The following SYNPR variants were observed in gnomAD, a reference collection of about 807,000 sequenced individuals.
SYNPR encodes synaptoporin.
Under a neutral mutation model 32.9 loss-of-function variants are expected in SYNPR, and 23 were observed. The ratio of observed to expected loss-of-function variants is 0.70; its 90% CI spans 0.50 to 0.99. The LOEUF (loss-of-function observed/expected upper bound fraction) is 0.99, where lower values mean the gene tolerates loss of function less well. Ranked by LOEUF, SYNPR falls within the 50% of genes least tolerant of loss-of-function variation. The pLI is 0.00. For synonymous variants in SYNPR, 146 were observed against 135.9 expected (o/e 1.07, Z -0.52); for missense variants, 318 against 349.3 (o/e 0.91, Z 0.71).
chr3:63,359,856 A>C (rs2087632764), intron 2 of SYNPR, among the ~76,000 whole-genome samples: 1 of 152,232 alleles, frequency 6.6e-6, no homozygotes. Flanking sequence ...TAAACAACAT[A>C]AAATAACTTT....
At chr3:63,435,127 G>A (rs1326167844) in intron 2 of SYNPR, among the ~76,000 whole-genome samples, 5 of 152,180 alleles carry the variant, frequency 3.3e-5, no homozygotes, top group Admixed American at 2.0e-4. Context: ...CTAAACTTGC[G>A]CACATTCGCA....
rs144039056 is a variant in SYNPR, at chr3:63,280,725, GGTGT to G, written c.84+2001_84+2004del. Reference sequence around the variant, plus strand: ...TTATAGCTCCCCCCCTTGGGGGAGGGGTGTGTGTGTGTGTGTGTGTGCACAGGTG... The same window carrying G: ...TTATAGCTCCCCCCCTTGGGGGAGGGGTGTGTGTGTGTGTGTGCACAGGTG... On this transcript the variant is annotated intron_variant, in intron 2 of 5. Coordinates refer to ENST00000478300, the MANE Select transcript of SYNPR (RefSeq NM_001130003.2). Among the ~76,000 whole-genome samples, 96 of 149,980 alleles carry G rather than the reference GGTGT, an allele frequency of 6.4e-4. No individual in the cohort carries two copies. In the East Asian group the frequency reaches 8.7e-3, roughly 14 times the overall value.
intron 2 of SYNPR, among the ~76,000 whole-genome samples, chr3:63,319,268 G>A (rs1408601608): frequency 6.6e-6 from 1 of 152,010 alleles, no homozygotes; most frequent in Admixed American, 6.6e-5. Context: ...TCTGTATTCT[G>A]TTCCATTGGT....
Position 63,609,167 on chromosome 3 carries a change from G to T in SYNPR, c.451G>T (p.Gly151Cys). The change falls in exon 5 of 6, where the codon GGT (glycine) becomes TGT (cysteine). Residue 151 changes from glycine to cysteine, a missense_variant. Physicochemically the swap from Gly to Cys is radical, Grantham distance 159. Transcript: ENST00000478300. ...AGTCTTTTCGTTCTTGTGGTTGGTG[G>T]GTTCATCAGCTTGGGCAAAAGGACT... ...TVVFSFLWLV[G>C]SSAWAKGLSD... The T allele has an allele frequency of 6.2e-7, 1 of 1,610,970 alleles. No individual in the cohort carries two copies.
chr3:63,483,705 C>T (rs1701091401), intron 3 of SYNPR, among the ~76,000 whole-genome samples: 1 of 151,988 alleles, frequency 6.6e-6, no homozygotes, highest in Admixed American at 6.6e-5. Flanking sequence ...TACAGGAACC[C>T]CATCTGAAAT....
intron 3 of SYNPR, among the ~76,000 whole-genome samples, chr3:63,528,530 T>C (rs993524821): frequency 2.0e-5 from 3 of 152,150 alleles, no homozygotes; most frequent in African/African-American, 4.8e-5. Flanking sequence ...GCGGTTACCA[T>C]TGTTGCCTAA....
At chr3:63,344,550 A>ATTTTTTTTTTT (rs10627844) in intron 2 of SYNPR, among the ~76,000 whole-genome samples, 2 of 130,578 alleles carry the variant, frequency 1.5e-5, no homozygotes. Flanking sequence ...TTCAAAAAAG[A>ATTTTTTTTTTT]TTTTTTTTTT....
intron 1 of SYNPR, among the ~76,000 whole-genome samples, chr3:63,232,971 T>C (rs923769166): frequency 3.3e-5 from 5 of 152,234 alleles, no homozygotes; most frequent in African/African-American, 1.2e-4. Flanking sequence ...AATTTTGATA[T>C]GCTACCCTCT....
chr3:63,293,306 G>A (rs1255800121), intron 2 of SYNPR, among the ~76,000 whole-genome samples: 1 of 149,924 alleles, frequency 6.7e-6, no homozygotes, highest in East Asian at 1.9e-4. Flanking sequence ...AAGAATATTT[G>A]TCTTTGGGGT....
intron 3 of SYNPR, among the ~76,000 whole-genome samples, chr3:63,502,853 C>T (rs1445809357): frequency 6.6e-6 from 1 of 151,710 alleles, no homozygotes; most frequent in Non-Finnish European, 1.5e-5. Flanking sequence ...ATTGCATGTA[C>T]TGCAGTTTAT....
chr3:63,326,067 AT>A (rs1237127065), intron 2 of SYNPR, among the ~76,000 whole-genome samples: 2 of 151,996 alleles, frequency 1.3e-5, no homozygotes, highest in Non-Finnish European at 2.9e-5. Flanking sequence ...CTCTGCTTGA[AT>A]GAGGATGAGG....
At chr3:63,265,006 G>A (rs1376959810) in intron 2 of SYNPR, among the ~76,000 whole-genome samples, 1 of 152,000 alleles carries the variant, frequency 6.6e-6, no homozygotes, top group African/African-American at 2.4e-5. Context: ...TGAGATTTAG[G>A]TGGGGACACA....
At chr3:63,501,966 G>A (rs1160122621) in intron 3 of SYNPR, among the ~76,000 whole-genome samples, 1 of 152,004 alleles carries the variant, frequency 6.6e-6, no homozygotes, top group Non-Finnish European at 1.5e-5. Flanking sequence ...TGCTGTAAGT[G>A]TAAAATACAC....
chr3:63,610,200 C>A (rs970309787), intron 5 of SYNPR, among the ~76,000 whole-genome samples: 7 of 152,096 alleles, frequency 4.6e-5, no homozygotes, highest in African/African-American at 1.7e-4. Context: ...TGAACAAAGT[C>A]AAATGTTATC....
At chr3:63,479,900 G>A (rs1020446011) in intron 2 of SYNPR, among the ~76,000 whole-genome samples, 1 of 152,202 alleles carries the variant, frequency 6.6e-6, no homozygotes, top group Non-Finnish European at 1.5e-5. Context: ...GTTTCCAGTA[G>A]TGACCCCAAA....
intron 3 of SYNPR, among the ~76,000 whole-genome samples, chr3:63,499,370 TAATA>T (rs1402904852): frequency 2.6e-5 from 4 of 152,164 alleles, no homozygotes; most frequent in Non-Finnish European, 4.4e-5. Flanking sequence ...GTTTTTTTCT[TAATA>T]AATGAGGAAA....
chr3:63,433,529 G>A (rs1700027781), intron 2 of SYNPR, among the ~76,000 whole-genome samples: 1 of 152,162 alleles, frequency 6.6e-6, no homozygotes, highest in African/African-American at 2.4e-5. Flanking sequence ...AGGAAAGATA[G>A]TTTTGTCTTA....
intron 2 of SYNPR, among the ~76,000 whole-genome samples, chr3:63,360,928 A>G (rs1324982157): frequency 2.6e-5 from 4 of 152,224 alleles, no homozygotes; most frequent in African/African-American, 9.6e-5. Flanking sequence ...TTTAATCATT[A>G]GAATGTAAAC....
At chr3:63,251,061 A>T (rs1428763147) in intron 1 of SYNPR, among the ~76,000 whole-genome samples, 2 of 152,166 alleles carry the variant, frequency 1.3e-5, no homozygotes, top group African/African-American at 4.8e-5. Context: ...GACAGAAAGG[A>T]AAAATTTACT....
Sources: gnomAD v4.1 joint callset for allele counts (sites outside exome capture counted in the v4.1 genomes callset) on GRCh38, gnomAD v4.1.1 for gene constraint, MANE v1.5 for transcripts, NCBI Gene and HGNC (gene_info 2026-07-23, HGNC 2026-07-21) for gene names.